CDH13: variants seen among roughly 807,000 people sequenced by gnomAD.
The protein encoded by CDH13 is cadherin 13, also known as cadherin-13.
A neutral mutation model predicts 63.8 loss-of-function variants in CDH13; 24 were observed. That is an observed-to-expected ratio of 0.38 (90% confidence interval 0.27 to 0.53). The LOEUF (loss-of-function observed/expected upper bound fraction) is 0.53, where lower values mean the gene tolerates loss of function less well. Among genes scored for constraint, CDH13 ranks in the 20% least tolerant of loss-of-function variants. The pLI is 0.85. For missense variants in CDH13, 1,049 were observed against 903.1 expected (o/e 1.16, Z -2.07); for synonymous variants, 503 against 355.3 (o/e 1.42, Z -4.67).
intron 1 of CDH13, among the ~76,000 whole-genome samples, chr16:82,665,975 TTTGTACCA>T (rs1440765432): frequency 2.0e-5 from 3 of 152,144 alleles, no homozygotes; most frequent in African/African-American, 4.8e-5. Context: ...AAGTATTTCT[TTTGTACCA>T]TTGTAAAGTT....
At chr16:83,456,349 T>A (rs1327186439) in intron 6 of CDH13, among the ~76,000 whole-genome samples, 2 of 152,192 alleles carry the variant, frequency 1.3e-5, no homozygotes, top group African/African-American at 4.8e-5. Context: ...AGGCCCCGTC[T>A]TAGGTAAAGA....
At chr16:83,476,603 A>G (rs777841546) in intron 6 of CDH13, among the ~76,000 whole-genome samples, 9 of 152,152 alleles carry the variant, frequency 5.9e-5, no homozygotes, top group Non-Finnish European at 1.2e-4. Context: ...AACCTGGGGG[A>G]CAGAGGTTGC....
chr16:82,956,141 G>T (rs968188529), intron 2 of CDH13, among the ~76,000 whole-genome samples: 8 of 151,542 alleles, frequency 5.3e-5, no homozygotes, highest in Admixed American at 4.0e-4. Context: ...AATCAAGGGT[G>T]CTACTCACCG....
intron 11 of CDH13, among the ~76,000 whole-genome samples, chr16:83,774,930 T>A (rs149014243): frequency 6.6e-6 from 1 of 152,076 alleles, no homozygotes; most frequent in African/African-American, 2.4e-5. Flanking sequence ...GGTTAAAAAT[T>A]GTCAATTTTA....
At chr16:82,825,248 C>T (rs185419109) in intron 1 of CDH13, 16 of 152,184 alleles carry the variant, frequency 1.1e-4, no homozygotes, top group South Asian at 2.1e-4. Flanking sequence ...ACAGCGCAGG[C>T]GTGTTTTACC....
At chr16:83,140,474 A>T (rs957661208) in intron 4 of CDH13, among the ~76,000 whole-genome samples, 1 of 151,698 alleles carries the variant, frequency 6.6e-6, no homozygotes, top group African/African-American at 2.4e-5. Context: ...TTTTTTTGAG[A>T]TGGAGTCGTG....
chr16:82,681,558 C>G (rs1914546284), intron 1 of CDH13, among the ~76,000 whole-genome samples: 1 of 152,184 alleles, frequency 6.6e-6, no homozygotes, highest in African/African-American at 2.4e-5. Context: ...GTTTGTTTGC[C>G]TCTTACTCAT....
intron 5 of CDH13, among the ~76,000 whole-genome samples, chr16:83,245,059 G>A (rs1904851927): frequency 6.6e-6 from 1 of 151,832 alleles, no homozygotes; most frequent in Admixed American, 6.6e-5. Context: ...CTTGCAGGCT[G>A]GCCTTTCTAG....
chr16:82,791,269 C>T (rs955788661), intron 1 of CDH13, among the ~76,000 whole-genome samples: 1 of 150,834 alleles, frequency 6.6e-6, no homozygotes, highest in African/African-American at 2.4e-5. Context: ...ATTCCTAAGC[C>T]TAGCTGGGGA....
At chr16:82,872,605 G>T (rs1159076413) in intron 2 of CDH13, among the ~76,000 whole-genome samples, 5 of 152,228 alleles carry the variant, frequency 3.3e-5, no homozygotes, top group African/African-American at 1.2e-4. Context: ...ACACATTCTA[G>T]TAATAGAGGT....
At chr16:82,902,584 C>G (rs1286721577) in intron 2 of CDH13, among the ~76,000 whole-genome samples, 1 of 151,870 alleles carries the variant, frequency 6.6e-6, no homozygotes, top group Non-Finnish European at 1.5e-5. Context: ...GCTTCTTAAC[C>G]TCCCCCACCC....
chr16:83,731,751 C>T lies in CDH13; in HGVS notation c.1539-16357C>T, dbSNP rs367667318. 7.4e-4 allele frequency among the ~76,000 whole-genome samples: 113 copies of T among 152,276 alleles called. 1 individual carries two copies. Among genetic ancestry groups the T allele is most frequent in the African/African-American group, 2.6e-3 (110 of 41,550 alleles). On this transcript the variant is annotated intron_variant, in intron 10 of 13. Transcript: ENST00000567109. ...GTTTTTTCCAGCTGGATTCTTTTCT[C>T]GTCTTCTGGCAAGTCAGTTTAGAAG...
chr16:83,535,593 G>C (rs900203589), intron 7 of CDH13, among the ~76,000 whole-genome samples: 2 of 152,204 alleles, frequency 1.3e-5, no homozygotes, highest in Admixed American at 6.5e-5. Flanking sequence ...TGCGTATTGA[G>C]ATCTCAACAT....
chr16:82,784,394 A>G (rs373940828), intron 1 of CDH13, among the ~76,000 whole-genome samples: 40 of 152,316 alleles, frequency 2.6e-4, no homozygotes, highest in African/African-American at 9.1e-4. Flanking sequence ...CCTACCAGCA[A>G]GGGCAATGAG....
chr16:83,655,591 G>A (rs57672306), intron 8 of CDH13, among the ~76,000 whole-genome samples: 25,217 of 152,108 alleles, frequency 0.17, 2,337 homozygotes, highest in East Asian at 0.27. Context: ...GCAGAGATGG[G>A]CAGATCCCAG....
At chr16:82,855,421 G>A (rs111900611) in intron 1 of CDH13, among the ~76,000 whole-genome samples, 84 of 152,186 alleles carry the variant, frequency 5.5e-4, no homozygotes, top group Non-Finnish European at 1.2e-3. Context: ...CCTGGTCTGG[G>A]AGCTGAGAGC....
At chr16:83,602,037 G>A (rs55798577) in intron 7 of CDH13, among the ~76,000 whole-genome samples, 7,388 of 130,984 alleles carry the variant, frequency 0.056, 261 homozygotes, top group African/African-American at 0.095. Context: ...AGGTTGCAGT[G>A]AGCCGAGATT....
chr16:82,928,349 T>C (rs2042371611), intron 2 of CDH13, among the ~76,000 whole-genome samples: 1 of 152,250 alleles, frequency 6.6e-6, no homozygotes, highest in Non-Finnish European at 1.5e-5. Context: ...TTTCTTCATG[T>C]GGACCCATTG....
intron 2 of CDH13, among the ~76,000 whole-genome samples, chr16:82,991,437 A>G (rs1383845208): frequency 2.6e-5 from 4 of 152,164 alleles, no homozygotes; most frequent in African/African-American, 9.7e-5. Context: ...TTTATCTTTA[A>G]CACAGATTTC....
Sources: gnomAD v4.1 joint callset for allele counts (sites outside exome capture counted in the v4.1 genomes callset) on GRCh38, gnomAD v4.1.1 for gene constraint, MANE v1.5 for transcripts, NCBI Gene and HGNC (gene_info 2026-07-23, HGNC 2026-07-21) for gene names.